Variants in SH3YL1 observed in about 807,000 individuals in gnomAD.
SH3YL1 encodes SH3 and SYLF domain containing 1.
In SH3YL1, 41 loss-of-function variants were observed where a neutral mutation model predicts 45.8. That is an observed-to-expected ratio of 0.89 (90% confidence interval 0.70 to 1.16). SH3YL1 has a LOEUF of 1.16. Ranked by LOEUF, SH3YL1 falls within the 50% of genes most tolerant of loss-of-function variation. SH3YL1 has a pLI of 0.00. For synonymous variants in SH3YL1, 152 were observed against 151.4 expected (o/e 1.00, Z -0.03); for missense variants, 389 against 409.6 (o/e 0.95, Z 0.43).
rs1667733844 is a variant in SH3YL1, at chr2:224,997, C to A, written c.782-77G>T. 9.2e-6 allele frequency: 10 copies of A among 1,088,370 alleles called. No homozygotes were observed. In the South Asian group the frequency reaches 1.2e-4, roughly 13 times the overall value. 67.4% of individuals were successfully genotyped at this position (1,088,370 alleles called of 1,614,324 possible). The stretch of plus-strand genomic sequence containing the variant: ...TACAAAATACACAAAATTGCCAGAT[C>A]CTGCCCTTGCTGAGCAAATATTTTA... On this transcript the variant is annotated intron_variant, in intron 8 of 9. Transcript: ENST00000356150.
intron 1 of SH3YL1, chr2:262,496 A>G: frequency 1.1e-6 from 1 of 915,636 alleles, no homozygotes; most frequent in South Asian, 1.5e-5. Context: ...CTTGGTACAG[A>G]GCAGTTCCAC....
Position 218,291 on chromosome 2 carries a change from C to G in SH3YL1, c.*520G>C, listed in dbSNP as rs889601888. 16 of 152,164 alleles carry G rather than the reference C, an allele frequency of 1.1e-4. No homozygotes were observed. The highest frequency in any genetic ancestry group is 3.9e-4 in the African/African-American group (16 of 41,406). 9.4% of individuals were successfully genotyped at this position (152,164 alleles called of 1,614,324 possible). ...TATGTTTAAAGACATGGTAGTCAGA[C>G]TTCTTTGTAATCACATTTCTATGAT... is the stretch of plus-strand genomic sequence containing the variant. On this transcript the variant is annotated 3_prime_UTR_variant, in exon 10 of 10. Transcript: ENST00000356150.
chr2:241,043 A>C (rs1323538286), intron 4 of SH3YL1: 3 of 152,202 alleles, frequency 2.0e-5, no homozygotes, highest in Non-Finnish European at 4.4e-5. Context: ...TTAAAAAGGA[A>C]GCAGACGAGA....
intron 1 of SH3YL1, chr2:256,086 C>T (rs974629238): frequency 2.6e-5 from 4 of 152,304 alleles, no homozygotes; most frequent in African/African-American, 9.6e-5. Context: ...ACTCCTATAC[C>T]CAGCCCCTGC....
chr2:234,042 C>T lies in SH3YL1; in HGVS notation c.404+118G>A, dbSNP rs546256672. 1.0e-4 allele frequency: 73 copies of T among 721,604 alleles called. 1 individual carries two copies. In the East Asian group the frequency reaches 1.9e-3, roughly 19 times the overall value. 44.7% of individuals were successfully genotyped at this position (721,604 alleles called of 1,614,324 possible). The stretch of plus-strand genomic sequence containing the variant: ...TTGTGATGACCTCAAATCTTTCGGG[C>T]ATGTATAAATCTGGGGATGTACAAA... On this transcript the variant is annotated intron_variant, in intron 5 of 9. Coordinates refer to ENST00000356150, the MANE Select transcript of SH3YL1 (RefSeq NM_015677.4).
At chr2:234,699 G>C (rs553627735) in intron 4 of SH3YL1, among the ~76,000 whole-genome samples, 73 of 152,078 alleles carry the variant, frequency 4.8e-4, no homozygotes, top group Non-Finnish European at 9.3e-4. Flanking sequence ...GAAGAGCACA[G>C]CACCAGGGAC....
chr2:222,340 GC>G (rs1422309147), intron 9 of SH3YL1: 1 of 152,244 alleles, frequency 6.6e-6, no homozygotes, highest in East Asian at 1.9e-4. Context: ...TTCTCATGGA[GC>G]CTGCATGAGG....
intron 4 of SH3YL1, chr2:241,354 A>C (rs1668535894): frequency 6.6e-6 from 1 of 152,184 alleles, no homozygotes; most frequent in South Asian, 2.1e-4. Flanking sequence ...AGAAAGTCTT[A>C]AAAACTAAGA....
chr2:252,273 A>G (rs1669101324), intron 2 of SH3YL1, among the ~76,000 whole-genome samples: 1 of 152,232 alleles, frequency 6.6e-6, no homozygotes, highest in African/African-American at 2.4e-5. Context: ...TAGAGAATGT[A>G]AATGTCTTAT....
intron 2 of SH3YL1, among the ~76,000 whole-genome samples, chr2:252,564 G>A (rs1669116365): frequency 6.6e-6 from 1 of 152,146 alleles, no homozygotes; most frequent in African/African-American, 2.4e-5. Context: ...GGAGTAGCAA[G>A]GCCTTATGAT....
intron 7 of SH3YL1, chr2:230,442 T>C (rs10205435): frequency 0.57 from 99,051 of 174,292 alleles, 31,572 homozygotes; most frequent in East Asian, 0.82. Context: ...CTGTGGAACA[T>C]CATGAACAAT....
In SH3YL1 at chr2:243,567, TA is replaced by T. The variant is rs11383620; in HGVS notation, c.291+3970del. 3,407 of 1,362,762 alleles carry T rather than the reference TA, an allele frequency of 2.5e-3. 7 individuals carry two copies. Among genetic ancestry groups the T allele is most frequent in the Non-Finnish European group, 2.7e-3 (2,730 of 1,017,530 alleles). 84.4% of individuals were successfully genotyped at this position (1,362,762 alleles called of 1,614,324 possible). On this transcript the variant is annotated intron_variant, in intron 4 of 9. Transcript: ENST00000356150. ...AATATGTAGCTGTAAATGTGTCTAT[TA>T]AAAAAAAAACAGACCTCGAGTCGGT...
In SH3YL1 at chr2:229,747, A is replaced by AG; in HGVS notation, c.781+218_781+219insC. ...CCGTCTCAAAAAAAAAAAAAAAAAA[A>AG]AAGAAAGTGTCTTATGAATAGAAAG... On this transcript the variant is annotated intron_variant, in intron 8 of 9. Coordinates refer to ENST00000356150, the MANE Select transcript of SH3YL1 (RefSeq NM_015677.4). The AG allele has an allele frequency of 7.9e-6, 3 of 379,766 alleles. No individual in the cohort carries two copies. The East Asian group carries it at 1.4e-4, about 17-fold the overall frequency. 23.5% of individuals were successfully genotyped at this position (379,766 alleles called of 1,614,324 possible).
intron 1 of SH3YL1, chr2:255,916 A>C (rs1182911413): frequency 4.6e-5 from 7 of 152,236 alleles, no homozygotes; most frequent in African/African-American, 1.7e-4. Context: ...ATGTTATCTC[A>C]GAATAGTTAA....
chr2:242,749 A>ACAT lies in SH3YL1; in HGVS notation c.291+4786_291+4788dup, dbSNP rs138231706. On this transcript the variant is annotated intron_variant, in intron 4 of 9. Coordinates refer to ENST00000356150, the MANE Select transcript of SH3YL1 (RefSeq NM_015677.4). ...AACAACAATAACAACAACAACAACAACATCCAATTATATGCTCCATAGGAG... is the reference window on the plus strand; with the variant it reads ...AACAACAATAACAACAACAACAACAACATCATCCAATTATATGCTCCATAGGAG... 2.7e-6 allele frequency: 4 copies of ACAT among 1,488,752 alleles called. No homozygotes were observed. In the African/African-American group the frequency reaches 5.7e-5, roughly 21 times the overall value. 92.2% of individuals were successfully genotyped at this position (1,488,752 alleles called of 1,614,324 possible). A position where few individuals can be genotyped will look rare whatever the true frequency, so the allele number is the denominator to read the frequency against.
chr2:246,044 A>T (rs2103043058), intron 4 of SH3YL1, among the ~76,000 whole-genome samples: 1 of 151,962 alleles, frequency 6.6e-6, no homozygotes, highest in South Asian at 2.1e-4. Flanking sequence ...AAAAATACAA[A>T]ATTAGCTGGG....
At chr2:264,087 C>A, upstream of SH3YL1, 1 of 1,336,288 alleles carries the variant, frequency 7.5e-7, no homozygotes, top group South Asian at 1.8e-5. Flanking sequence ...GGCGTACCTG[C>A]GGCAGGTGAC....
chr2:263,517 AGGGGCTGGCCCTTCTCTTCCAGGTTGG>A (rs1473760368), intron 1 of SH3YL1: 8 of 159,842 alleles, frequency 5.0e-5, no homozygotes. Flanking sequence ...TCCGGGTGTG[AGGGGCTGGCCCTTCTCTTCCAGGTTGG>A]GGGGCTGGCA....
intron 7 of SH3YL1, chr2:230,590 G>A (rs1203411200): frequency 1.3e-5 from 3 of 233,416 alleles, no homozygotes; most frequent in Non-Finnish European, 2.5e-5. Flanking sequence ...TTGGCTCAGT[G>A]CAACCTCATG....
Sources: allele counts gnomAD v4.1 joint callset (sites outside exome capture counted in the v4.1 genomes callset), GRCh38; gene constraint gnomAD v4.1.1; transcripts MANE v1.5; gene names NCBI Gene and HGNC (gene_info 2026-07-23, HGNC 2026-07-21).